Variants in CRTC1 observed in about 807,000 individuals in gnomAD.
The protein encoded by CRTC1 is CREB-regulated transcription coactivator 1.
Under a neutral mutation model 66.1 loss-of-function variants are expected in CRTC1, and 18 were observed. The ratio of observed to expected loss-of-function variants is 0.27; its 90% confidence interval spans 0.19 to 0.40. The LOEUF (loss-of-function observed/expected upper bound fraction) is 0.40, where lower values mean the gene tolerates loss of function less well. Ranked by LOEUF, CRTC1 falls within the 10% of genes least tolerant of loss-of-function variation. CRTC1 has a pLI of 1.00. For synonymous variants in CRTC1, 416 were observed against 398.8 expected (o/e 1.04, Z -0.51); for missense variants, 669 against 887.9 (o/e 0.75, Z 3.13).
Position 18,760,336 on chromosome 19 carries a change from G to A in CRTC1, c.886+108G>A, listed in dbSNP as rs1568531538. On this transcript the variant is annotated intron_variant, in intron 8 of 13. Transcript: ENST00000321949. The surrounding 1 kb of genome is among the most constrained non-coding windows in gnomAD (Gnocchi z 6.2). Reference sequence around the variant, plus strand: ...CCCGTTCCAAATACTAGGGCATGGGGGACAGGGCTGGGGGGCGGCCGACAG... The same window carrying A: ...CCCGTTCCAAATACTAGGGCATGGGAGACAGGGCTGGGGGGCGGCCGACAG... 1.0e-6 allele frequency: 1 copy of A among 974,356 alleles called. No homozygotes were observed. The highest frequency in any genetic ancestry group is 1.5e-6 in the Non-Finnish European group (1 of 654,530). The allele number at this position is 974,356 out of a possible 1,614,324, so 60.4% of individuals were successfully genotyped here.
intron 4 of CRTC1, among the ~76,000 whole-genome samples, chr19:18,748,832 T>G (rs2054303021): frequency 6.6e-6 from 1 of 152,038 alleles, no homozygotes. Flanking sequence ...AATATTAAAT[T>G]CTCACCAAGC....
At position 18,760,107 on chromosome 19, in the gene CRTC1, CTCCCCGCTCCCG is replaced by C; in HGVS notation, c.766_777del (p.Ser256_Pro259del). 6.2e-7 allele frequency: 1 copy of C among 1,613,914 alleles called. No individual in the cohort carries two copies. Among genetic ancestry groups the C allele is most frequent in the Non-Finnish European group, 8.5e-7 (1 of 1,179,886 alleles). ...CCGACCTGACCAACATCCACTTCCCCTCCCCGCTCCCGACCCCGCTGGACCCCGAGGAGCCCA... is the reference window on the plus strand; with the variant it reads ...CCGACCTGACCAACATCCACTTCCCCACCCCGCTGGACCCCGAGGAGCCCA... On this transcript the variant is annotated inframe_deletion, in exon 8 of 14. Coordinates refer to ENST00000321949, the MANE Select transcript of CRTC1 (RefSeq NM_015321.3). The surrounding 1 kb of genome is among the most constrained non-coding windows in gnomAD (Gnocchi z 6.2).
chr19:18,759,933 C>G, intron 7 of CRTC1, 75 bp from the exon 8 acceptor site: 1 of 991,358 alleles, frequency 1.0e-6, no homozygotes. Context: ...CTGATTTTCT[C>G]CCGCCAGCCC....
In CRTC1 at chr19:18,778,088, ACCGCAGGCAGGC is replaced by A. The variant is rs983935356; in HGVS notation, c.*709_*720del. On this transcript the variant is annotated 3_prime_UTR_variant, in exon 14 of 14. Transcript: ENST00000321949. The stretch of plus-strand genomic sequence containing the variant: ...CTCCATCCCCTCGAAGCCCTGCCTC[ACCGCAGGCAGGC>A]CCATCGGTGGCCACCTTTGCCGGGA... 4.3e-6 allele frequency: 1 copy of A among 232,866 alleles called. No individual in the cohort carries two copies. The highest frequency in any genetic ancestry group is 8.5e-6 in the Non-Finnish European group (1 of 117,950). 14.4% of individuals were successfully genotyped at this position (232,866 alleles called of 1,614,324 possible). A position where few individuals can be genotyped will look rare whatever the true frequency, so the allele number is the denominator to read the frequency against.
At chr19:18,722,320 G>A (rs1237447174) in intron 1 of CRTC1, among the ~76,000 whole-genome samples, 3 of 152,198 alleles carry the variant, frequency 2.0e-5, no homozygotes, top group African/African-American at 7.2e-5. Context: ...AGATGCTGGG[G>A]GAGTGGATTG....
chr19:18,777,521 G>T lies in CRTC1; in HGVS notation c.*139G>T. 1.3e-6 allele frequency: 1 copy of T among 792,550 alleles called. No homozygotes were observed. The highest frequency in any genetic ancestry group is 2.0e-6 in the Non-Finnish European group (1 of 490,258). The allele number at this position is 792,550 out of a possible 1,614,324, so 49.1% of individuals were successfully genotyped here. ...GCCGCCAAGCGCCCCCCGCCAGCCC[G>T]CCCCCGGTTGTCCACCTCCCGCGAA... On this transcript the variant is annotated 3_prime_UTR_variant, in exon 14 of 14. Coordinates refer to ENST00000321949, the MANE Select transcript of CRTC1 (RefSeq NM_015321.3). This position sits in a 1 kb window ranked among gnomAD's most constrained non-coding sequence, Gnocchi z 5.5.
At position 18,747,132 on chromosome 19, in the gene CRTC1, C is replaced by CCCA; in HGVS notation, c.443+20_443+21insACC. 1 of 803,812 alleles carries CCCA rather than the reference C, an allele frequency of 1.2e-6. No homozygotes were observed. The allele number at this position is 803,812 out of a possible 1,614,324, so 49.8% of individuals were successfully genotyped here. ...TGGAGAAGGTCAGTGGCTGGACACC[C>CCCA]CCCCCCCGCCCCCTTCTTGTTGGAA... On this transcript the variant is annotated intron_variant, in intron 4 of 13. Transcript: ENST00000321949.
intron 1 of CRTC1, among the ~76,000 whole-genome samples, chr19:18,737,556 G>A (rs1209417991): frequency 1.3e-5 from 2 of 152,118 alleles, no homozygotes; most frequent in Non-Finnish European, 2.9e-5. Flanking sequence ...GCCCTGTAGA[G>A]GGGTGAATCA....
chr19:18,773,471 T>C (rs908106429), intron 11 of CRTC1, among the ~76,000 whole-genome samples: 3 of 152,178 alleles, frequency 2.0e-5, no homozygotes, highest in Admixed American at 6.5e-5. Flanking sequence ...CCAGGCCTTT[T>C]TGAGCCCAAG....
chr19:18,715,316 C>T (rs543796573), intron 1 of CRTC1, among the ~76,000 whole-genome samples: 2 of 152,292 alleles, frequency 1.3e-5, no homozygotes, highest in African/African-American at 2.4e-5. Context: ...CAACCTCCAC[C>T]TCCCAGGTTC....
At chr19:18,754,700 G>C (rs946384008) in intron 6 of CRTC1, among the ~76,000 whole-genome samples, 1 of 152,196 alleles carries the variant, frequency 6.6e-6, no homozygotes. Flanking sequence ...AGTCCCTCGA[G>C]GAGATAAGAT....
At chr19:18,746,801 C>T (rs887675972) in intron 3 of CRTC1, among the ~76,000 whole-genome samples, 4 of 152,166 alleles carry the variant, frequency 2.6e-5, no homozygotes, top group African/African-American at 7.2e-5. Flanking sequence ...GCAGCCCGCA[C>T]GTGTGCTCAC....
intron 9 of CRTC1, among the ~76,000 whole-genome samples, chr19:18,766,156 C>G (rs1051253634): frequency 6.8e-6 from 1 of 147,298 alleles, no homozygotes. Context: ...AAGTTTTGCT[C>G]TGTAGCCCAG....
At chr19:18,723,242 G>A (rs1215904578) in intron 1 of CRTC1, among the ~76,000 whole-genome samples, 1 of 152,178 alleles carries the variant, frequency 6.6e-6, no homozygotes, top group Non-Finnish European at 1.5e-5. Flanking sequence ...TAATTGCCCG[G>A]CCTACAATCA....
At chr19:18,712,845 A>G (rs956767105) in intron 1 of CRTC1, among the ~76,000 whole-genome samples, 13 of 152,030 alleles carry the variant, frequency 8.6e-5, no homozygotes, top group Non-Finnish European at 1.5e-4. Context: ...CTGTAATCCC[A>G]GCTACCTGGG....
At chr19:18,694,866 C>T (rs894520000) in intron 1 of CRTC1, among the ~76,000 whole-genome samples, 4 of 150,456 alleles carry the variant, frequency 2.7e-5, no homozygotes, top group Middle Eastern at 3.5e-3. Context: ...GTGAGGTTGG[C>T]GGCAGTTCTC....
intron 1 of CRTC1, among the ~76,000 whole-genome samples, chr19:18,689,815 G>T (rs1397289929): frequency 6.6e-6 from 1 of 151,382 alleles, no homozygotes; most frequent in Non-Finnish European, 1.5e-5. Context: ...CCACGTTTTT[G>T]GGTGGATGTA....
intron 1 of CRTC1, among the ~76,000 whole-genome samples, chr19:18,729,630 A>G (rs2053841674): frequency 6.6e-6 from 1 of 151,974 alleles, no homozygotes; most frequent in Non-Finnish European, 1.5e-5. Context: ...AGTCCCAGCT[A>G]CTGGGGAAGT....
Position 18,777,879 on chromosome 19 carries a change from C to G in CRTC1, c.*497C>G. On this transcript the variant is annotated 3_prime_UTR_variant, in exon 14 of 14. Transcript: ENST00000321949. The surrounding 1 kb of genome is among the most constrained non-coding windows in gnomAD (Gnocchi z 5.5). ...AGCCCGTGGTCAGGTAGAGAGTGAGCCCCACGCCGCCCCAGGGAGGAGGCG... is the reference window on the plus strand; with the variant it reads ...AGCCCGTGGTCAGGTAGAGAGTGAGGCCCACGCCGCCCCAGGGAGGAGGCG... The G allele has an allele frequency of 7.5e-6, 2 of 266,850 alleles. No homozygotes were observed. Among genetic ancestry groups the G allele is most frequent in the East Asian group, 1.2e-4 (2 of 16,678 alleles). 16.5% of individuals were successfully genotyped at this position (266,850 alleles called of 1,614,324 possible). A position where few individuals can be genotyped will look rare whatever the true frequency, so the allele number is the denominator to read the frequency against.
Sources: allele counts gnomAD v4.1 joint callset (sites outside exome capture counted in the v4.1 genomes callset), GRCh38; gene constraint gnomAD v4.1.1; non-coding constraint Gnocchi (gnomAD v3.1); transcripts MANE v1.5; gene names NCBI Gene and HGNC (gene_info 2026-07-23, HGNC 2026-07-21).